Variants in GPR139 observed in about 807,000 individuals in gnomAD.
GPR139 encodes probable G protein-coupled receptor 139.
In GPR139, 12 loss-of-function variants were observed where a neutral mutation model predicts 25.8. The ratio of observed to expected loss-of-function variants is 0.47; its 90% CI spans 0.30 to 0.75. The LOEUF (loss-of-function observed/expected upper bound fraction) is 0.75, where lower values mean the gene tolerates loss of function less well. Among genes scored for constraint, GPR139 ranks in the 30% least tolerant of loss-of-function variants. The pLI is 0.07. For missense variants in GPR139, 380 were observed against 450.2 expected (o/e 0.84, Z 1.41); for synonymous variants, 184 against 179.9 (o/e 1.02, Z -0.18).
At chr16:20,059,901 C>A (rs1162364503) in intron 1 of GPR139, among the ~76,000 whole-genome samples, 2 of 152,172 alleles carry the variant, frequency 1.3e-5, no homozygotes, top group African/African-American at 4.8e-5. Context: ...GCCTCCATGA[C>A]GTCCTCTGCC....
chr16:20,060,983 C>A (rs2057410833), intron 1 of GPR139, among the ~76,000 whole-genome samples: 2 of 152,124 alleles, frequency 1.3e-5, no homozygotes, highest in African/African-American at 2.4e-5. Flanking sequence ...CTCACAGCAC[C>A]AAGTAGCTCT....
chr16:20,052,416 A>T (rs1281362327), intron 1 of GPR139, among the ~76,000 whole-genome samples: 1 of 152,250 alleles, frequency 6.6e-6, no homozygotes, highest in Admixed American at 6.5e-5. Flanking sequence ...TAATAGCAGA[A>T]GCAGCACTCA....
At position 20,031,158 on chromosome 16, in the gene GPR139, A is replaced by T. The variant is rs1339239316; in HGVS notation, c.*577T>A. On this transcript the variant is annotated 3_prime_UTR_variant, in exon 2 of 2. Transcript: ENST00000570682. Reference sequence around the variant, plus strand: ...TCTGGCCACAGTTTGGATGGGATCCAATACTCTTCTATTCCCACAGTGTCA... The same window carrying T: ...TCTGGCCACAGTTTGGATGGGATCCTATACTCTTCTATTCCCACAGTGTCA... Among the ~76,000 whole-genome samples, 1 of 152,170 alleles carries T rather than the reference A, an allele frequency of 6.6e-6. No individual in the cohort carries two copies. Among genetic ancestry groups the T allele is most frequent in the Non-Finnish European group, 1.5e-5 (1 of 68,024 alleles).
chr16:20,045,074 G>A (rs991367373), intron 1 of GPR139, among the ~76,000 whole-genome samples: 2 of 145,978 alleles, frequency 1.4e-5, no homozygotes, highest in Non-Finnish European at 3.0e-5. Context: ...ATCGCGGCTC[G>A]CTGCAACCTC....
chr16:20,057,673 G>A (rs1273021433), intron 1 of GPR139, among the ~76,000 whole-genome samples: 1 of 151,716 alleles, frequency 6.6e-6, no homozygotes, highest in Non-Finnish European at 1.5e-5. Flanking sequence ...CATGTGCCAA[G>A]GCCCACCAGA....
At chr16:20,044,855 G>C (rs1382796010) in intron 1 of GPR139, among the ~76,000 whole-genome samples, 1 of 152,166 alleles carries the variant, frequency 6.6e-6, no homozygotes, top group Non-Finnish European at 1.5e-5. Context: ...GACTAAAGTT[G>C]TATGCAATGG....
In GPR139 at chr16:20,029,039, T is replaced by C. The variant is rs1229356687; in HGVS notation, c.*2696A>G. Among the ~76,000 whole-genome samples the C allele has an allele frequency of 6.6e-6, 1 of 152,202 alleles. No homozygotes were observed. Among genetic ancestry groups the C allele is most frequent in the African/African-American group, 2.4e-5 (1 of 41,444 alleles). ...ATAAATAATAATAAAAGTCCTTAGATAGTTTGAAATAAATTTTAAGAGATA... is the reference window on the plus strand; with the variant it reads ...ATAAATAATAATAAAAGTCCTTAGACAGTTTGAAATAAATTTTAAGAGATA... On this transcript the variant is annotated 3_prime_UTR_variant, in exon 2 of 2. Coordinates refer to ENST00000570682, the MANE Select transcript of GPR139 (RefSeq NM_001002911.4).
chr16:20,069,192 A>G (rs907462445), intron 1 of GPR139, among the ~76,000 whole-genome samples: 1 of 152,216 alleles, frequency 6.6e-6, no homozygotes, highest in Non-Finnish European at 1.5e-5. Flanking sequence ...AGTGCTTACC[A>G]TATTCCAGGC....
intron 1 of GPR139, among the ~76,000 whole-genome samples, chr16:20,072,749 C>G (rs750678595): frequency 2.0e-5 from 3 of 152,162 alleles, no homozygotes; most frequent in Non-Finnish European, 4.4e-5. Flanking sequence ...CCACAGCAGC[C>G]GTGAGCTGCC....
intron 1 of GPR139, among the ~76,000 whole-genome samples, chr16:20,036,610 A>T (rs1421206434): frequency 6.6e-6 from 1 of 152,130 alleles, no homozygotes; most frequent in Non-Finnish European, 1.5e-5. Flanking sequence ...ATCAGATCTC[A>T]TGAGACTTAT....
intron 1 of GPR139, among the ~76,000 whole-genome samples, chr16:20,058,781 C>T (rs1302255922): frequency 6.6e-6 from 1 of 152,152 alleles, no homozygotes; most frequent in African/African-American, 2.4e-5. Flanking sequence ...TTCTAGTTTG[C>T]CTCTGTCGGA....
chr16:20,065,504 C>G (rs2057429040), intron 1 of GPR139, among the ~76,000 whole-genome samples: 1 of 152,150 alleles, frequency 6.6e-6, no homozygotes, highest in Admixed American at 6.5e-5. Flanking sequence ...ACTGTGTGAC[C>G]TTGGGGAAGT....
Position 20,032,436 on chromosome 16 carries a change from G to A in GPR139, c.361C>T (p.Pro121Ser), listed in dbSNP as rs1425613899. ...SIHTSIWITV[P>S]LTIDRYIAVC... ...GCGATATACCTGTCAATGGTTAACG[G>A]TACAGTAATCCATATGGAGGTGTGG... The change falls in exon 2 of 2, where the codon CCG becomes TCG. Residue 121 changes from proline to serine, a missense_variant. Coordinates refer to ENST00000570682, the MANE Select transcript of GPR139 (RefSeq NM_001002911.4). The A allele has an allele frequency of 6.2e-7, 1 of 1,614,174 alleles. No individual in the cohort carries two copies. The highest frequency in any genetic ancestry group is 8.5e-7 in the Non-Finnish European group (1 of 1,180,018).
chr16:20,068,958 C>T (rs1173100088), intron 1 of GPR139, among the ~76,000 whole-genome samples: 2 of 151,392 alleles, frequency 1.3e-5, no homozygotes, highest in African/African-American at 4.9e-5. Context: ...GTGTTGTATT[C>T]CTGGGATAAA....
intron 1 of GPR139, among the ~76,000 whole-genome samples, chr16:20,065,135 T>C (rs973108273): frequency 6.6e-6 from 1 of 152,186 alleles, no homozygotes; most frequent in Non-Finnish European, 1.5e-5. Flanking sequence ...AGTTTGTGAA[T>C]TGGCAGCGTG....
Position 20,051,888 on chromosome 16 carries a change from G to A in GPR139, c.128-19219C>T, listed in dbSNP as rs758518822. Among the ~76,000 whole-genome samples, 11 of 152,200 alleles carry A rather than the reference G, an allele frequency of 7.2e-5. No homozygotes were observed. In the East Asian group the frequency reaches 9.6e-4, roughly 13 times the overall value. On this transcript the variant is annotated intron_variant, in intron 1 of 1. Transcript: ENST00000570682. ...CGGCTCAGTGGTAACGAACGTGGGC[G>A]CTGGATCCAGAGCTGATACATACTT...
chr16:20,060,441 G>T (rs975084897), intron 1 of GPR139, among the ~76,000 whole-genome samples: 1 of 151,890 alleles, frequency 6.6e-6, no homozygotes, highest in Non-Finnish European at 1.5e-5. Context: ...GTCTGTGTGG[G>T]TCTGCATCTG....
intron 1 of GPR139, among the ~76,000 whole-genome samples, chr16:20,033,802 T>C (rs2057300216): frequency 6.6e-6 from 1 of 152,118 alleles, no homozygotes; most frequent in African/African-American, 2.4e-5. Flanking sequence ...TAATAAATAA[T>C]CTATGCTTAT....
intron 1 of GPR139, among the ~76,000 whole-genome samples, chr16:20,061,145 A>C (rs2057411797): frequency 6.6e-6 from 1 of 151,980 alleles, no homozygotes; most frequent in Admixed American, 6.6e-5. Context: ...CGTACCTAGC[A>C]TGGTGCCTGG....
Sources: allele counts gnomAD v4.1 joint callset (sites outside exome capture counted in the v4.1 genomes callset), GRCh38; gene constraint gnomAD v4.1.1; transcripts MANE v1.5; gene names NCBI Gene and HGNC (gene_info 2026-07-23, HGNC 2026-07-21).